Variants in STIM1 observed in about 807,000 individuals in gnomAD.
STIM1 encodes the protein stromal interaction molecule 1.
STIM1 carries 25 observed loss-of-function variants against 74.7 expected under a neutral mutation model. The observed-to-expected ratio is 0.33, with a 90% CI of 0.24 to 0.47. The LOEUF is 0.47. STIM1 is among the 20% of genes least tolerant of loss of function. The pLI is 1.00. For synonymous variants in STIM1, 328 were observed against 348.8 expected (o/e 0.94, Z 0.66); for missense variants, 728 against 920.8 (o/e 0.79, Z 2.71).
intron 2 of STIM1, among the ~76,000 whole-genome samples, chr11:3,986,467 T>G (rs892690943): frequency 6.6e-6 from 1 of 152,136 alleles, no homozygotes; most frequent in Non-Finnish European, 1.5e-5. Context: ...AAAGGCAGGC[T>G]GTAGCCAGAT....
intron 3 of STIM1, among the ~76,000 whole-genome samples, chr11:4,047,976 G>A (rs553433828): frequency 1.3e-5 from 2 of 152,148 alleles, no homozygotes; most frequent in Admixed American, 6.5e-5. Context: ...GTGCCACCAC[G>A]CCCCGCTAAT....
intron 7 of STIM1, among the ~76,000 whole-genome samples, chr11:4,080,000 C>T (rs2094456969): frequency 6.6e-6 from 1 of 152,080 alleles, no homozygotes; most frequent in Non-Finnish European, 1.5e-5. Flanking sequence ...AGGCAGATCG[C>T]TTGAGCCCAG....
At chr11:4,063,846 C>T (rs2094348333) in intron 5 of STIM1, among the ~76,000 whole-genome samples, 1 of 152,186 alleles carries the variant, frequency 6.6e-6, no homozygotes, top group Admixed American at 6.5e-5. Context: ...TTCCTCCCTA[C>T]AGTTCCTTTC....
intron 5 of STIM1, among the ~76,000 whole-genome samples, chr11:4,062,739 C>G (rs2094339700): frequency 6.6e-6 from 1 of 152,066 alleles, no homozygotes. Context: ...CAGGGCAATG[C>G]AAATCAAAAC....
chr11:4,018,131 A>G lies in STIM1; in HGVS notation c.271-5742A>G, dbSNP rs192954380. Among the ~76,000 whole-genome samples the G allele has an allele frequency of 4.3e-3, 651 of 152,234 alleles. 2 individuals are homozygous for G. The highest frequency in any genetic ancestry group is 0.015 in the African/African-American group (620 of 41,538). ...GGAGTTCAAGACCAGCCTGACTAAC[A>G]TGGAGAAACCCCATCTCTATTAAAA... On this transcript the variant is annotated intron_variant, in intron 2 of 12. Coordinates refer to ENST00000526596, the MANE Select transcript of STIM1 (RefSeq NM_001382567.1).
chr11:3,947,292 T>C (rs1253525692), intron 1 of STIM1: 1 of 152,192 alleles, frequency 6.6e-6, no homozygotes, highest in African/African-American at 2.4e-5. Flanking sequence ...TGACAGGTCA[T>C]ATTGTAGTTT....
chr11:3,915,848 G>A (rs966023845), intron 1 of STIM1, among the ~76,000 whole-genome samples: 1 of 152,148 alleles, frequency 6.6e-6, no homozygotes, highest in African/African-American at 2.4e-5. Context: ...TTCAGGTCAG[G>A]AGTTTGGGAC....
At chr11:4,090,996 C>G (rs1273630913) in intron 12 of STIM1, among the ~76,000 whole-genome samples, 3 of 151,794 alleles carry the variant, frequency 2.0e-5, no homozygotes, top group Non-Finnish European at 2.9e-5. Flanking sequence ...GCTTTTCTTC[C>G]TCTACAATTC....
intron 12 of STIM1, chr11:4,087,000 C>A (rs2094497915): frequency 1.6e-6 from 2 of 1,274,280 alleles, no homozygotes; most frequent in East Asian, 5.1e-5. Flanking sequence ...TTGTTCCCAG[C>A]TCTGGGATTC....
intron 1 of STIM1, among the ~76,000 whole-genome samples, chr11:3,857,992 T>C (rs143469473): frequency 3.2e-4 from 48 of 152,342 alleles, no homozygotes; most frequent in African/African-American, 1.1e-3. Flanking sequence ...TTGGTTCTTA[T>C]TGGGCTATGA....
chr11:3,887,509 G>C (rs939896325), intron 1 of STIM1, among the ~76,000 whole-genome samples: 1 of 152,174 alleles, frequency 6.6e-6, no homozygotes, highest in Non-Finnish European at 1.5e-5. Context: ...TACTGACTCT[G>C]TCTTGGGATT....
At chr11:3,936,890 A>G (rs1367316081) in intron 1 of STIM1, among the ~76,000 whole-genome samples, 1 of 152,244 alleles carries the variant, frequency 6.6e-6, no homozygotes, top group African/African-American at 2.4e-5. Context: ...AGGGGTAATT[A>G]GAACCCAATG....
intron 1 of STIM1, among the ~76,000 whole-genome samples, chr11:3,901,921 C>T (rs559509379): frequency 2.0e-5 from 3 of 152,138 alleles, no homozygotes; most frequent in South Asian, 2.1e-4. Flanking sequence ...GCACGTGCCA[C>T]GATGCCCAGC....
intron 1 of STIM1, among the ~76,000 whole-genome samples, chr11:3,951,347 G>A (rs1460793907): frequency 6.6e-6 from 1 of 152,168 alleles, no homozygotes; most frequent in Non-Finnish European, 1.5e-5. Context: ...ACAAAGAGGG[G>A]CCAGTTATCT....
intron 3 of STIM1, among the ~76,000 whole-genome samples, chr11:4,031,279 T>G (rs2094048091): frequency 1.3e-5 from 2 of 152,226 alleles, no homozygotes; most frequent in South Asian, 4.1e-4. Context: ...ATACCACAAT[T>G]TATTTACCTA....
intron 1 of STIM1, among the ~76,000 whole-genome samples, chr11:3,857,474 GCAGGGATCCCTC>G (rs1353999825): frequency 6.6e-6 from 1 of 151,578 alleles, no homozygotes; most frequent in Non-Finnish European, 1.5e-5. Context: ...TCTGTGTTGT[GCAGGGATCCCTC>G]CCAAAGTGCT....
chr11:3,941,671 T>TAG (rs1372399472), intron 1 of STIM1, among the ~76,000 whole-genome samples: 2,807 of 75,974 alleles, frequency 0.037, 51 homozygotes, highest in African/African-American at 0.076. Context: ...TATATATATA[T>TAG]ATAGAGAGAG....
rs538018441 is a variant in STIM1, at chr11:3,884,199, A to G, written c.139+27790A>G. Among the ~76,000 whole-genome samples the G allele has an allele frequency of 2.0e-5, 3 of 152,286 alleles. No homozygotes were observed. In the South Asian group the frequency reaches 6.2e-4, roughly 32 times the overall value. ...TCTTCTTCTATCTCTGTGCTTTGTT[A>G]CTTAGCAAAATTACTTAACATTTCA... On this transcript the variant is annotated intron_variant, in intron 1 of 12. Transcript: ENST00000526596.
rs2094281677 is a variant in STIM1 at position 4,055,529 on chromosome 11, A to T, written c.389A>T (p.Tyr130Phe). 6.3e-7 allele frequency: 1 copy of T among 1,593,874 alleles called. No homozygotes were observed. The highest frequency in any genetic ancestry group is 1.3e-5 in the African/African-American group (1 of 74,682). Reference sequence around the variant, plus strand: ...CTTTGCTTGTCTCTTTTCACAGTATACAATTGGACCGTGGATGAGGTGGTA... The same window carrying T: ...CTTTGCTTGTCTCTTTTCACAGTATTCAATTGGACCGTGGATGAGGTGGTA... ...LWKAWKSSEV[Y>F]NWTVDEVVQW... The change falls in exon 4 of 13, where the codon TAC (tyrosine) becomes TTC (phenylalanine). Residue 130 changes from tyrosine to phenylalanine, a missense_variant. By Grantham distance (22) the Tyr-to-Phe change is conservative. This residue lies in a region of STIM1 where 132 missense variants were observed against 158.2 expected (regional missense o/e 0.83). Transcript: ENST00000526596.
Sources: allele counts gnomAD v4.1 joint callset (sites outside exome capture counted in the v4.1 genomes callset), GRCh38; gene constraint gnomAD v4.1.1; regional missense constraint gnomAD v4.1.1; transcripts MANE v1.5; gene names NCBI Gene and HGNC (gene_info 2026-07-23, HGNC 2026-07-21).